The following ITPR3 variants were observed in gnomAD, a reference collection of about 807,000 sequenced individuals.
ITPR3 encodes inositol 1,4,5-trisphosphate receptor type 3.
ITPR3 carries 173 observed loss-of-function variants against 293.2 expected under a neutral mutation model. That is an observed-to-expected ratio of 0.59 (90% CI 0.52 to 0.67). ITPR3 has a LOEUF of 0.67. Ranked by LOEUF, ITPR3 falls within the 30% of genes least tolerant of loss-of-function variation. ITPR3 has a pLI of 0.00. For synonymous variants in ITPR3, 1,295 were observed against 1,444.4 expected (o/e 0.90, Z 2.35); for missense variants, 2,796 against 3,592.1 (o/e 0.78, Z 5.66).
rs976038940 is a variant in ITPR3, at chr6:33,654,081, A to G, written c.161-1685A>G. 6.6e-6 allele frequency among the ~76,000 whole-genome samples: 1 copy of G among 152,174 alleles called. No homozygotes were observed. The highest frequency in any genetic ancestry group is 2.4e-5 in the African/African-American group (1 of 41,452). ...TCAGGAGTTTGAGACCAGCTTGGGC[A>G]ATATGGCGAAACCCCGTCTCTACTA... On this transcript the variant is annotated intron_variant, in intron 2 of 57. Coordinates refer to ENST00000605930, the MANE Select transcript of ITPR3 (RefSeq NM_002224.4). This position sits in a 1 kb window ranked among gnomAD's most constrained non-coding sequence, Gnocchi z 4.1.
At position 33,663,841 on chromosome 6, in the gene ITPR3, A is replaced by C. The variant is rs1764540131; in HGVS notation, c.1109A>C (p.Asp370Ala). The C allele has an allele frequency of 6.2e-7, 1 of 1,613,880 alleles. No individual in the cohort carries two copies. Among genetic ancestry groups the C allele is most frequent in the African/African-American group, 1.3e-5 (1 of 74,846 alleles). Reference sequence around the variant, plus strand: ...GACATCGCCTCTCTCTTTGAGCTGGACCCCACCACCTTGCAGAAAACCGAC... The same window carrying C: ...GACATCGCCTCTCTCTTTGAGCTGGCCCCCACCACCTTGCAGAAAACCGAC... The part of the protein sequence containing the change: ...GNDIASLFEL[D>A]PTTLQKTDSF... Residue 370 changes from aspartate to alanine, a missense_variant, in exon 11 of 58, where the codon GAC becomes GCC. Around this residue, in one of 8 missense-constraint regions of ITPR3, gnomAD observed 955 missense variants for 1,180.8 expected, o/e 0.81. Transcript: ENST00000605930.
chr6:33,637,453 ACC>A (rs1207094852), intron 1 of ITPR3, among the ~76,000 whole-genome samples: 2 of 152,048 alleles, frequency 1.3e-5, no homozygotes, highest in Non-Finnish European at 2.9e-5. Context: ...AGCTCTCTGA[ACC>A]TGGTTTTTTG....
At position 33,687,171 on chromosome 6, in the gene ITPR3, C is replaced by T. The variant is rs894884034; in HGVS notation, c.6076-55C>T. On this transcript the variant is annotated intron_variant, in intron 44 of 57. Coordinates refer to ENST00000605930, the MANE Select transcript of ITPR3 (RefSeq NM_002224.4). This position sits in a 1 kb window ranked among gnomAD's most constrained non-coding sequence, Gnocchi z 5.3. ...GTGTGTTGGGATGGGGATGAGGGCC[C>T]GGCTGGCCCTACCGCCCTAGGAAGA... is the stretch of plus-strand genomic sequence containing the variant. 1.1e-5 allele frequency: 18 copies of T among 1,587,422 alleles called. 1 individual carries two copies. Among genetic ancestry groups the T allele is most frequent in the South Asian group, 7.7e-5 (7 of 90,342 alleles).
At position 33,684,457 on chromosome 6, in the gene ITPR3, G is replaced by A. The variant is rs1045334146; in HGVS notation, c.5038G>A (p.Gly1680Arg). ...QQMLLKKTKY[G>R]DRGNQLRKML... ...GATGCTGCTCAAGAAGACCAAGTAC[G>A]GGGACCGGGTGAGTGCCCTGGTGGG... Residue 1680 changes from glycine to arginine, a missense_variant, in exon 37 of 58, where the codon GGG (glycine) becomes AGG (arginine). Around this residue, in one of 8 missense-constraint regions of ITPR3, gnomAD observed 704 missense variants for 797.5 expected, o/e 0.88. Transcript: ENST00000605930. The surrounding 1 kb of genome is among the most constrained non-coding windows in gnomAD (Gnocchi z 4.2). 8.7e-6 allele frequency: 14 copies of A among 1,613,884 alleles called. No homozygotes were observed. The highest frequency in any genetic ancestry group is 3.3e-5 in the Admixed American group (2 of 60,014).
At chr6:33,662,406 G>C (rs887281150) in intron 7 of ITPR3, 122 bp from the exon 8 acceptor site, 1 of 1,156,138 alleles carries the variant, frequency 8.6e-7, no homozygotes, top group Non-Finnish European at 1.2e-6. Context: ...CTGTGTGCTG[G>C]CTCTGGAAGA....
intron 39 of ITPR3, 53 bp from the exon 40 acceptor site, chr6:33,685,306 G>GT: frequency 6.6e-7 from 1 of 1,508,668 alleles, no homozygotes; most frequent in Non-Finnish European, 9.1e-7. Flanking sequence ...CACGCCCTGA[G>GT]TAGGAGCAGG....
In ITPR3 at chr6:33,687,961, A is replaced by T; in HGVS notation, c.6265-96A>T. The T allele has an allele frequency of 2.2e-6, 2 of 926,534 alleles. No homozygotes were observed. Among genetic ancestry groups the T allele is most frequent in the Non-Finnish European group, 3.3e-6 (2 of 605,446 alleles). The allele number at this position is 926,534 out of a possible 1,614,324, so 57.4% of individuals were successfully genotyped here. ...TTGGCGGGGACACTCGCTGAAGTGT[A>T]GTTCAGAGCTAGGCGAAGGCCTGGG... is the stretch of plus-strand genomic sequence containing the variant. On this transcript the variant is annotated intron_variant, in intron 46 of 57. Coordinates refer to ENST00000605930, the MANE Select transcript of ITPR3 (RefSeq NM_002224.4). This position sits in a 1 kb window ranked among gnomAD's most constrained non-coding sequence, Gnocchi z 5.3.
chr6:33,656,195 G>T (rs1233263504), intron 3 of ITPR3, among the ~76,000 whole-genome samples: 1 of 152,172 alleles, frequency 6.6e-6, no homozygotes, highest in Non-Finnish European at 1.5e-5. Context: ...GGTGTGAATT[G>T]CTGTGAAGGA....
At position 33,682,576 on chromosome 6, in the gene ITPR3, A is replaced by C. The variant is rs572195243; in HGVS notation, c.4529A>C (p.Glu1510Ala). 58 of 1,591,456 alleles carry C rather than the reference A, an allele frequency of 3.6e-5. No homozygotes were observed. The South Asian group carries it at 6.0e-4, about 16-fold the overall frequency. Residue 1510 changes from glutamate (E) to alanine (A), a missense_variant, in exon 34 of 58, where the codon GAG becomes GCG. Coordinates refer to ENST00000605930, the MANE Select transcript of ITPR3 (RefSeq NM_002224.4). This position sits in a 1 kb window ranked among gnomAD's most constrained non-coding sequence, Gnocchi z 5.4. ...CTGCAGTCTACCACACGCCTCCTCG[A>C]GTGTCCGTGGCTACAGCAGCAGCAC... is the stretch of plus-strand genomic sequence containing the variant. ...QLLQSTTRLL[E>A]CPWLQQQHKG...
Position 33,690,914 on chromosome 6 carries a change from C to A in ITPR3, c.7033-3C>A, listed in dbSNP as rs1765370098. The A allele has an allele frequency of 6.2e-7, 1 of 1,613,394 alleles. No homozygotes were observed. The highest frequency in any genetic ancestry group is 1.3e-5 in the African/African-American group (1 of 74,924). On this transcript the variant is annotated splice_polypyrimidine_tract_variant and splice_region_variant and intron_variant, in intron 51 of 57. Coordinates refer to ENST00000605930, the MANE Select transcript of ITPR3 (RefSeq NM_002224.4). ...CCATCCCTATCTCAACCCCATCCTG[C>A]AGCTCTTTGACCTCATCTACCGCGA...
In ITPR3 at chr6:33,655,867, G is replaced by T. The variant is rs752952768; in HGVS notation, c.262G>T (p.Val88Leu). 39 of 1,613,980 alleles carry T rather than the reference G, an allele frequency of 2.4e-5. No homozygotes were observed. The highest frequency in any genetic ancestry group is 3.1e-5 in the Non-Finnish European group (36 of 1,180,024). Residue 88 changes from valine to leucine, a missense_variant, in exon 3 of 58, where the codon GTG (valine) becomes TTG (leucine). This residue lies in a region of ITPR3 where 144 missense variants were observed against 230.8 expected (regional missense o/e 0.62). Transcript: ENST00000605930. This position sits in a 1 kb window ranked among gnomAD's most constrained non-coding sequence, Gnocchi z 4.9. ...GGACAAGGAGAAGATCGCTGATGTG[G>T]TGTTGCTGCAGAAGCTGCAGGTATG... Reference protein sequence around the residue: ...KQDKEKIADVVLLQKLQHAAQ... With the variant: ...KQDKEKIADVLLLQKLQHAAQ...
rs1582166086 is a variant in ITPR3, at chr6:33,688,910, C to T, written c.6694+129C>T. On this transcript the variant is annotated intron_variant, in intron 49 of 57. Coordinates refer to ENST00000605930, the MANE Select transcript of ITPR3 (RefSeq NM_002224.4). The stretch of plus-strand genomic sequence containing the variant: ...GCAGAGTGTGCAGAAGCACCCCCTG[C>T]GCCATCCTGTGGGCTCTCGCCCCAT... 10 of 1,270,696 alleles carry T rather than the reference C, an allele frequency of 7.9e-6. No homozygotes were observed. The East Asian group carries it at 1.2e-4, about 15-fold the overall frequency. 78.7% of individuals were successfully genotyped at this position (1,270,696 alleles called of 1,614,324 possible).
rs1763439524 is a variant in ITPR3, at chr6:33,621,666, G to A, written c.64G>A (p.Val22Ile). Residue 22 changes from valine to isoleucine, a missense_variant, in exon 1 of 58, where the codon GTC (valine) becomes ATC (isoleucine). By Grantham distance (29) the Val-to-Ile change is conservative. Around this residue, in one of 8 missense-constraint regions of ITPR3, gnomAD observed 22 missense variants for 56.5 expected, o/e 0.39. Coordinates refer to ENST00000605930, the MANE Select transcript of ITPR3 (RefSeq NM_002224.4). This position sits in a 1 kb window ranked among gnomAD's most constrained non-coding sequence, Gnocchi z 7.7. ...CGTCTCCCTGTACGCCGAGGGCTCC[G>A]TCAATGGCTTCATCAGCACTTTGGG... ...DIVSLYAEGS[V>I]NGFISTLGLV... 1.2e-6 allele frequency: 2 copies of A among 1,610,316 alleles called. No homozygotes were observed. The highest frequency in any genetic ancestry group is 1.1e-5 in the South Asian group (1 of 90,338).
chr6:33,672,285 G>A lies in ITPR3; in HGVS notation c.2928+57G>A, dbSNP rs1192909723. The A allele has an allele frequency of 6.4e-5, 93 of 1,457,970 alleles. 1 individual carries two copies. The highest frequency in any genetic ancestry group is 2.2e-4 in the South Asian group (19 of 85,346). 90.3% of individuals were successfully genotyped at this position (1,457,970 alleles called of 1,614,324 possible). On this transcript the variant is annotated intron_variant, in intron 22 of 57. Coordinates refer to ENST00000605930, the MANE Select transcript of ITPR3 (RefSeq NM_002224.4). This position sits in a 1 kb window ranked among gnomAD's most constrained non-coding sequence, Gnocchi z 5.0. ...GGGTATAGGGGGAGGGTAATGGGGC[G>A]GGTACAGGGAGGCTGGGCAGGGCGA...
chr6:33,683,952 C>A lies in ITPR3; in HGVS notation c.4789-68C>A, dbSNP rs979748298. ...CTGTGGGGCTGTTTGGCGTTTGGGT[C>A]GGAGGAATGGCAGTCACACCCGGGT... On this transcript the variant is annotated intron_variant, in intron 35 of 57. Transcript: ENST00000605930. This position sits in a 1 kb window ranked among gnomAD's most constrained non-coding sequence, Gnocchi z 4.5. 19 of 1,523,768 alleles carry A rather than the reference C, an allele frequency of 1.2e-5. No homozygotes were observed. The South Asian group carries it at 2.1e-4, about 17-fold the overall frequency. The allele number at this position is 1,523,768 out of a possible 1,614,324, so 94.4% of individuals were successfully genotyped here.
rs1185168893 is a variant in ITPR3 at position 33,675,727 on chromosome 6, C to T, written c.3153C>T (p.Gly1051=). The T allele has an allele frequency of 8.1e-6, 13 of 1,610,426 alleles. No individual in the cohort carries two copies. Among genetic ancestry groups the T allele is most frequent in the Admixed American group, 5.0e-5 (3 of 59,766 alleles). The change falls in exon 25 of 58, where the codon GGC becomes GGT. Residue 1051 remains glycine, a synonymous_variant. Transcript: ENST00000605930. The surrounding 1 kb of genome is among the most constrained non-coding windows in gnomAD (Gnocchi z 5.0). ...GCATGCTGGAGGTGGATGACGAGGG[C>T]GGCCGCATGTTCCTGCGCGTGCTCA... The part of the protein sequence containing the change: ...TSSMLEVDDE[G]GRMFLRVLIH...
rs1175600764 is a variant in ITPR3, at chr6:33,684,066, C to T, written c.4835C>T (p.Ala1612Val). The T allele has an allele frequency of 3.1e-6, 5 of 1,611,564 alleles. No individual in the cohort carries two copies. Among genetic ancestry groups the T allele is most frequent in the Non-Finnish European group, 4.2e-6 (5 of 1,179,950 alleles). Residue 1612 changes from alanine to valine, a missense_variant, in exon 36 of 58, where the codon GCT becomes GTT. Coordinates refer to ENST00000605930, the MANE Select transcript of ITPR3 (RefSeq NM_002224.4). The surrounding 1 kb of genome is among the most constrained non-coding windows in gnomAD (Gnocchi z 4.2). Reference protein sequence around the residue: ...LEERLKPLVQAELSVLVDVLH... With the variant: ...LEERLKPLVQVELSVLVDVLH... ...GAGCGGCTGAAGCCCCTGGTACAGG[C>T]TGAGCTGTCCGTGCTGGTGGATGTC...
chr6:33,623,660 T>C (rs1763491976), intron 1 of ITPR3, among the ~76,000 whole-genome samples: 1 of 152,014 alleles, frequency 6.6e-6, no homozygotes. Context: ...ATCTTATTGC[T>C]TCTTCCCCTG....
At position 33,638,218 on chromosome 6, in the gene ITPR3, C is replaced by T. The variant is rs142344837; in HGVS notation, c.90-2266C>T. 6.2e-4 allele frequency among the ~76,000 whole-genome samples: 94 copies of T among 152,060 alleles called. No individual in the cohort carries two copies. The highest frequency in any genetic ancestry group is 1.9e-3 in the African/African-American group (80 of 41,486). ...ATGAGGTTTCACCATGTTGGTCAGG[C>T]GGGTCTCGAACTCCTGACTTAATGA... is the stretch of plus-strand genomic sequence containing the variant. On this transcript the variant is annotated intron_variant, in intron 1 of 57. Coordinates refer to ENST00000605930, the MANE Select transcript of ITPR3 (RefSeq NM_002224.4). This position sits in a 1 kb window ranked among gnomAD's most constrained non-coding sequence, Gnocchi z 4.3.
Sources: gnomAD v4.1 joint callset for allele counts (sites outside exome capture counted in the v4.1 genomes callset) on GRCh38, gnomAD v4.1.1 for gene constraint, gnomAD v4.1.1 regional missense constraint, Gnocchi (gnomAD v3.1) non-coding constraint, MANE v1.5 for transcripts, NCBI Gene and HGNC (gene_info 2026-07-23, HGNC 2026-07-21) for gene names.